SFSWAP: variants seen among roughly 807,000 people sequenced by gnomAD.
SFSWAP encodes the protein splicing factor, suppressor of white-apricot homolog.
Under a neutral mutation model 100.7 loss-of-function variants are expected in SFSWAP, and 17 were observed. That is an observed-to-expected ratio of 0.17 (90% confidence interval 0.12 to 0.25). The LOEUF is 0.25. Among genes scored for constraint, SFSWAP ranks in the 10% least tolerant of loss-of-function variants. The pLI, the probability that SFSWAP is intolerant of heterozygous loss-of-function variation, is 1.00. For missense variants in SFSWAP, 1,005 were observed against 1,262.6 expected (o/e 0.80, Z 3.09); for synonymous variants, 504 against 510.1 (o/e 0.99, Z 0.16).
At chr12:131,764,099 C>T (rs1238354874) in intron 11 of SFSWAP, among the ~76,000 whole-genome samples, 1 of 152,192 alleles carries the variant, frequency 6.6e-6, no homozygotes, top group Non-Finnish European at 1.5e-5. Context: ...GCACTCCAGC[C>T]TGGGCGACAG....
At chr12:131,774,823 G>C (rs187972779) in intron 13 of SFSWAP, among the ~76,000 whole-genome samples, 5 of 152,298 alleles carry the variant, frequency 3.3e-5, no homozygotes, top group African/African-American at 4.8e-5. Flanking sequence ...ATTTGAAAGT[G>C]TTGATTCAGA....
chr12:131,799,688 G>C lies in SFSWAP; in HGVS notation c.*200G>C. 1.7e-6 allele frequency: 1 copy of C among 572,328 alleles called. No homozygotes were observed. Among genetic ancestry groups the C allele is most frequent in the Admixed American group, 3.2e-5 (1 of 31,336 alleles). The allele number at this position is 572,328 out of a possible 1,614,324, so 35.5% of individuals were successfully genotyped here. On this transcript the variant is annotated 3_prime_UTR_variant, in exon 18 of 18. Coordinates refer to ENST00000261674, the MANE Select transcript of SFSWAP (RefSeq NM_004592.4). ...ATATTTGTAAATATATCATGTTTCT[G>C]TGAAAATGTATTATGAAATAAAATG... is the stretch of plus-strand genomic sequence containing the variant.
intron 7 of SFSWAP, among the ~76,000 whole-genome samples, chr12:131,750,590 C>T (rs1183302977): frequency 2.6e-5 from 4 of 152,168 alleles, no homozygotes; most frequent in Non-Finnish European, 5.9e-5. Context: ...TGGTTTTTAG[C>T]GTGGAGCCTC....
intron 11 of SFSWAP, chr12:131,757,042 C>T (rs1174395775): frequency 1.2e-5 from 2 of 165,762 alleles, no homozygotes; most frequent in African/African-American, 4.8e-5. Flanking sequence ...ACTTCACTCA[C>T]TCGATTTCAG....
At chr12:131,742,658 G>T (rs1880758510) in intron 7 of SFSWAP, among the ~76,000 whole-genome samples, 1 of 151,138 alleles carries the variant, frequency 6.6e-6, no homozygotes, top group Non-Finnish European at 1.5e-5. Context: ...AAGATACTAG[G>T]TCGTCGGGAG....
chr12:131,748,045 G>A (rs1881298613), intron 7 of SFSWAP, among the ~76,000 whole-genome samples: 1 of 152,188 alleles, frequency 6.6e-6, no homozygotes, highest in Non-Finnish European at 1.5e-5. Flanking sequence ...CTGGATGCCT[G>A]GAGAGCCGGG....
chr12:131,717,118 T>C (rs1439587066), intron 3 of SFSWAP, among the ~76,000 whole-genome samples: 2 of 152,094 alleles, frequency 1.3e-5, no homozygotes, highest in Admixed American at 6.5e-5. Flanking sequence ...CACACACACA[T>C]ACGTGCATAT....
At chr12:131,774,841 G>A (rs976495809) in intron 13 of SFSWAP, among the ~76,000 whole-genome samples, 3 of 152,080 alleles carry the variant, frequency 2.0e-5, no homozygotes, top group Non-Finnish European at 2.9e-5. Context: ...AGATTGTCCC[G>A]TCGCTTCAAA....
chr12:131,759,208 G>C (rs1404237630), intron 11 of SFSWAP, among the ~76,000 whole-genome samples: 1 of 152,128 alleles, frequency 6.6e-6, no homozygotes, highest in African/African-American at 2.4e-5. Flanking sequence ...CGCTTTCTAA[G>C]AAAACATAAG....
rs762659360 is a variant in SFSWAP at position 131,719,518 on chromosome 12, C to T, written c.585C>T (p.Ser195=). 2.4e-5 allele frequency: 39 copies of T among 1,613,758 alleles called. No individual in the cohort carries two copies. The highest frequency in any genetic ancestry group is 6.7e-5 in the Admixed American group (4 of 59,990). The change falls in exon 4 of 18, where the codon AGC becomes AGT. Residue 195 remains serine, a synonymous_variant. Transcript: ENST00000261674. ...EEPFVAPLGL[S]VPSDVELPPT... ...CCTTCGTTGCCCCCTTAGGATTGAG[C>T]GTCCCGTCTGACGTGGAGTTGGTAT... is the stretch of plus-strand genomic sequence containing the variant.
rs1885508379 is a variant in SFSWAP at position 131,794,734 on chromosome 12, C to T, written c.2535-2444C>T. ...GGGACGCCCCTGCGTGGATAAGGCCCAGGTGTCAGGGTGTGCGCACTTGCC... is the reference window on the plus strand; with the variant it reads ...GGGACGCCCCTGCGTGGATAAGGCCTAGGTGTCAGGGTGTGCGCACTTGCC... On this transcript the variant is annotated intron_variant, in intron 15 of 17. Coordinates refer to ENST00000261674, the MANE Select transcript of SFSWAP (RefSeq NM_004592.4). This position sits in a 1 kb window ranked among gnomAD's most constrained non-coding sequence, Gnocchi z 4.8. 6.6e-6 allele frequency among the ~76,000 whole-genome samples: 1 copy of T among 152,176 alleles called. No homozygotes were observed. Among genetic ancestry groups the T allele is most frequent in the Non-Finnish European group, 1.5e-5 (1 of 68,032 alleles).
chr12:131,779,849 C>T (rs943689237), intron 14 of SFSWAP, among the ~76,000 whole-genome samples: 5 of 152,228 alleles, frequency 3.3e-5, no homozygotes, highest in Admixed American at 3.3e-4. Flanking sequence ...TGCAATGGCA[C>T]GATCTTGGCT....
At chr12:131,744,983 A>G (rs1284709129) in intron 7 of SFSWAP, among the ~76,000 whole-genome samples, 2 of 152,110 alleles carry the variant, frequency 1.3e-5, no homozygotes, top group Non-Finnish European at 2.9e-5. Context: ...CCACCCCCAT[A>G]ATTCTGTCAC....
chr12:131,783,821 T>TATATATATATATATATAA (rs57488564), intron 14 of SFSWAP: 1 of 131,652 alleles, frequency 7.6e-6, no homozygotes, highest in South Asian at 2.5e-4. Flanking sequence ...TATATATATA[T>TATATATATATATATATAA]AATTCTTTGT....
At chr12:131,752,337 A>G (rs1365406798) in intron 7 of SFSWAP, among the ~76,000 whole-genome samples, 1 of 152,232 alleles carries the variant, frequency 6.6e-6, no homozygotes, top group African/African-American at 2.4e-5. Flanking sequence ...TAAATTTCGT[A>G]ATTAATCATT....
chr12:131,743,085 C>G (rs535000676), intron 7 of SFSWAP, among the ~76,000 whole-genome samples: 16 of 152,328 alleles, frequency 1.1e-4, no homozygotes, highest in African/African-American at 3.6e-4. Flanking sequence ...CACCAGGTTC[C>G]TCCCACAACA....
rs200186709 is a variant in SFSWAP, at chr12:131,753,238, C to T, written c.1197C>T (p.Gly399=). 2.5e-4 allele frequency: 408 copies of T among 1,614,190 alleles called. No individual in the cohort carries two copies. The highest frequency in any genetic ancestry group is 6.7e-5 in the East Asian group (3 of 44,882). ...VTTYYSTLPA[G]VTVSNSPGVT... ...CTTACTACAGCACCCTTCCTGCTGGCGTGACCGTGTCTAACTCCCCTGGAG... is the reference window on the plus strand; with the variant it reads ...CTTACTACAGCACCCTTCCTGCTGGTGTGACCGTGTCTAACTCCCCTGGAG... The change falls in exon 8 of 18, where the codon GGC becomes GGT. Residue 399 remains glycine, a synonymous_variant. Transcript: ENST00000261674.
At chr12:131,726,731 T>C (rs1879015626) in intron 5 of SFSWAP, among the ~76,000 whole-genome samples, 1 of 152,252 alleles carries the variant, frequency 6.6e-6, no homozygotes, top group Non-Finnish European at 1.5e-5. Context: ...TGCTCGATGC[T>C]GGCAAGGAGT....
At chr12:131,721,797 A>G (rs1026853919) in intron 4 of SFSWAP, among the ~76,000 whole-genome samples, 1 of 152,236 alleles carries the variant, frequency 6.6e-6, no homozygotes. Flanking sequence ...TTGCTGTCTT[A>G]TCATTAGAGT....
Sources: allele counts gnomAD v4.1 joint callset (sites outside exome capture counted in the v4.1 genomes callset), GRCh38; gene constraint gnomAD v4.1.1; non-coding constraint Gnocchi (gnomAD v3.1); transcripts MANE v1.5; gene names NCBI Gene and HGNC (gene_info 2026-07-23, HGNC 2026-07-21).